Variants in SHCBP1L observed in about 807,000 individuals in gnomAD.
SHCBP1L encodes testicular spindle-associated protein SHCBP1L.
In SHCBP1L, 67 loss-of-function variants were observed where a neutral mutation model predicts 62.5. The observed-to-expected ratio is 1.07, with a 90% CI of 0.88 to 1.31. The LOEUF is 1.31. Ranked by LOEUF, SHCBP1L falls within the 40% of genes most tolerant of loss-of-function variation. The pLI is 0.00. For synonymous variants in SHCBP1L, 284 were observed against 289.4 expected (o/e 0.98, Z 0.19); for missense variants, 823 against 809.8 (o/e 1.02, Z -0.20).
rs140789740 is a variant in SHCBP1L, at chr1:182,900,787, C to T, written c.1711-553G>A. Among the ~76,000 whole-genome samples, 794 of 152,014 alleles carry T rather than the reference C, an allele frequency of 5.2e-3. 3 individuals carry two copies. The highest frequency in any genetic ancestry group is 0.018 in the African/African-American group (726 of 41,446). ...TGGCTCATGCCCTGTAATCCCAGCT[C>T]TTAAGAAGGCAGAGGCAGAAGGATA... is the stretch of plus-strand genomic sequence containing the variant. On this transcript the variant is annotated intron_variant, in intron 9 of 9. Coordinates refer to ENST00000367547, the MANE Select transcript of SHCBP1L (RefSeq NM_030933.4).
intron 8 of SHCBP1L, 67 bp downstream of exon 8, chr1:182,904,113 A>G: frequency 1.3e-6 from 2 of 1,535,936 alleles, no homozygotes. Flanking sequence ...CTTTATTTGT[A>G]TATTAAGATC....
intron 6 of SHCBP1L, among the ~76,000 whole-genome samples, chr1:182,909,496 G>A (rs1301997995): frequency 1.3e-5 from 2 of 152,186 alleles, no homozygotes; most frequent in African/African-American, 4.8e-5. Context: ...AAAAAATCAG[G>A]AGACTAGGAT....
intron 6 of SHCBP1L, among the ~76,000 whole-genome samples, chr1:182,914,210 A>G (rs1650282658): frequency 6.6e-6 from 1 of 152,202 alleles, no homozygotes; most frequent in East Asian, 1.9e-4. Context: ...AGAAATTGAC[A>G]TTTCTAGATA....
At chr1:182,901,061 A>T (rs1478266123) in intron 9 of SHCBP1L, among the ~76,000 whole-genome samples, 1 of 152,220 alleles carries the variant, frequency 6.6e-6, no homozygotes, top group Non-Finnish European at 1.5e-5. Flanking sequence ...AGGTAATGTG[A>T]TAGCATGACT....
intron 6 of SHCBP1L, among the ~76,000 whole-genome samples, chr1:182,906,878 C>T (rs1650032698): frequency 6.6e-6 from 1 of 152,014 alleles, no homozygotes; most frequent in South Asian, 2.1e-4. Flanking sequence ...AGTGCAGTGG[C>T]ACGATCATGG....
At position 182,940,498 on chromosome 1, in the gene SHCBP1L, T is replaced by C; in HGVS notation, c.601A>G (p.Thr201Ala). Residue 201 changes from threonine to alanine, a missense_variant, in exon 3 of 10, where the codon ACT becomes GCT. Thr to Ala is a moderately conservative substitution (Grantham distance 58). Coordinates refer to ENST00000367547, the MANE Select transcript of SHCBP1L (RefSeq NM_030933.4). ...YQDSSSRFKV[T>A]VSVAEPFSSN... ...GAAAAGGGCTCAGCAACAGAAACAG[T>C]AACTTTGAAACGAGATGATGAGTCT... 1 of 1,614,012 alleles carries C rather than the reference T, an allele frequency of 6.2e-7. No homozygotes were observed. The highest frequency in any genetic ancestry group is 8.5e-7 in the Non-Finnish European group (1 of 1,179,950).
intron 6 of SHCBP1L, among the ~76,000 whole-genome samples, chr1:182,907,063 C>T (rs2101921179): frequency 1.3e-5 from 2 of 151,974 alleles, no homozygotes; most frequent in South Asian, 4.2e-4. Context: ...AGTGATCACC[C>T]ACCTCAGCCT....
intron 6 of SHCBP1L, among the ~76,000 whole-genome samples, chr1:182,915,980 G>T (rs536504707): frequency 6.6e-6 from 1 of 152,026 alleles, no homozygotes; most frequent in African/African-American, 2.4e-5. Context: ...CTAATTTTTT[G>T]TATTTTTAGT....
chr1:182,905,480 A>G lies in SHCBP1L; in HGVS notation c.1336+16T>C, dbSNP rs200003485. 1 of 1,611,688 alleles carries G rather than the reference A, an allele frequency of 6.2e-7. No homozygotes were observed. Among genetic ancestry groups the G allele is most frequent in the East Asian group, 2.2e-5 (1 of 44,744 alleles). ...TACATTGCTGTAAAAAAAACTACAA[A>G]GGATGCCCTGCTAACCCTTTATAAT... On this transcript the variant is annotated intron_variant, in intron 7 of 9. Transcript: ENST00000367547.
At chr1:182,915,930 T>C (rs1051251522) in intron 6 of SHCBP1L, among the ~76,000 whole-genome samples, 1 of 151,360 alleles carries the variant, frequency 6.6e-6, no homozygotes, top group Admixed American at 6.6e-5. Flanking sequence ...CCTCAGCCTC[T>C]CGAGTAGCTG....
At chr1:182,915,072 G>A (rs1650310183) in intron 6 of SHCBP1L, among the ~76,000 whole-genome samples, 1 of 137,126 alleles carries the variant, frequency 7.3e-6, no homozygotes, top group South Asian at 2.4e-4. Context: ...TGAGGCAGGA[G>A]AATCACTTGA....
Position 182,924,780 on chromosome 1 carries a change from GAAAGAA to G in SHCBP1L, c.1182+4861_1182+4866del, listed in dbSNP as rs1557996838. ...AGAAAGAAAGAAAGAAAGAAAGAAA[GAAAGAA>G]AGAGAGAAAGAAAGGAAGGAAGGAA... On this transcript the variant is annotated intron_variant, in intron 6 of 9. Coordinates refer to ENST00000367547, the MANE Select transcript of SHCBP1L (RefSeq NM_030933.4). Among the ~76,000 whole-genome samples the G allele has an allele frequency of 1.2e-3, 112 of 94,838 alleles. 1 individual carries two copies. The highest frequency in any genetic ancestry group is 5.8e-3 in the East Asian group (18 of 3,110). The allele number at this position is 94,838 out of a possible 152,430, so 62.2% of individuals were successfully genotyped here.
chr1:182,939,039 C>T (rs570258707), intron 5 of SHCBP1L, 137 bp downstream of exon 5: 2 of 650,256 alleles, frequency 3.1e-6, no homozygotes, highest in Admixed American at 3.2e-5. Context: ...GATAGTTGTA[C>T]CTTGTGCTTA....
intron 5 of SHCBP1L, among the ~76,000 whole-genome samples, chr1:182,938,789 T>C (rs899013676): frequency 6.6e-6 from 1 of 152,202 alleles, no homozygotes; most frequent in African/African-American, 2.4e-5. Flanking sequence ...TTGTGCTTCT[T>C]TTAAAAACTG....
intron 5 of SHCBP1L, among the ~76,000 whole-genome samples, chr1:182,930,553 ATATATAT>A (rs1650939908): frequency 1.2e-4 from 1 of 8,486 alleles, no homozygotes; most frequent in East Asian, 4.8e-3. Flanking sequence ...GTGTGTGTGT[ATATATAT>A]ATATATATAT....
At chr1:182,939,610 G>T in intron 3 of SHCBP1L, 57 bp from the exon 4 acceptor site, 1 of 1,213,216 alleles carries the variant, frequency 8.2e-7, no homozygotes, top group Non-Finnish European at 1.2e-6. Context: ...CTGATTTAGA[G>T]CTAAATGGAT....
rs1182783771 is a variant in SHCBP1L at position 182,930,653 on chromosome 1, ATGTGTGTGTGTGTG to A, written c.1077-915_1077-902del. ...AAGACAGGGTCTTGCCCTGGAGTAT[ATGTGTGTGTGTGTG>A]TGTGTGTGTGTGTGTGTGTGTGTGT... is the stretch of plus-strand genomic sequence containing the variant. On this transcript the variant is annotated intron_variant, in intron 5 of 9. Coordinates refer to ENST00000367547, the MANE Select transcript of SHCBP1L (RefSeq NM_030933.4). 5.2e-3 allele frequency among the ~76,000 whole-genome samples: 129 copies of A among 24,662 alleles called. 3 individuals carry two copies. The highest frequency in any genetic ancestry group is 0.014 in the African/African-American group (99 of 7,122). The allele number at this position is 24,662 out of a possible 152,430, so 16.2% of individuals were successfully genotyped here. A position where few individuals can be genotyped will look rare whatever the true frequency, so the allele number is the denominator to read the frequency against.
chr1:182,912,133 A>G (rs1361668255), intron 6 of SHCBP1L, among the ~76,000 whole-genome samples: 2 of 152,170 alleles, frequency 1.3e-5, no homozygotes, highest in African/African-American at 4.8e-5. Flanking sequence ...ATTGTGGGTC[A>G]TAAGACCCTC....
intron 5 of SHCBP1L, among the ~76,000 whole-genome samples, chr1:182,935,011 CTATT>C (rs1651121431): frequency 6.6e-6 from 1 of 152,048 alleles, no homozygotes; most frequent in South Asian, 2.1e-4. Context: ...TATAAGGACT[CTATT>C]TATGGACTCT....
Sources: gnomAD v4.1 joint callset for allele counts (sites outside exome capture counted in the v4.1 genomes callset) on GRCh38, gnomAD v4.1.1 for gene constraint, MANE v1.5 for transcripts, NCBI Gene and HGNC (gene_info 2026-07-23, HGNC 2026-07-21) for gene names.